The following CDH20 variants were observed in gnomAD, a reference collection of about 807,000 sequenced individuals.
CDH20 encodes the protein cadherin-20.
CDH20 carries 29 observed loss-of-function variants against 74.2 expected under a neutral mutation model. The observed-to-expected ratio is 0.39, with a 90% confidence interval of 0.29 to 0.53. CDH20 has a LOEUF of 0.53. Among genes scored for constraint, CDH20 ranks in the 20% least tolerant of loss-of-function variants. The pLI, the probability that CDH20 is intolerant of heterozygous loss-of-function variation, is 0.69. For synonymous variants in CDH20, 469 were observed against 405.4 expected (o/e 1.16, Z -1.88); for missense variants, 988 against 1,048.3 (o/e 0.94, Z 0.79).
chr18:61,545,127 C>A lies in CDH20; in HGVS notation c.1631C>A (p.Thr544Asn), dbSNP rs769718528. 6.2e-6 allele frequency: 10 copies of A among 1,610,184 alleles called. No individual in the cohort carries two copies. The African/African-American group carries it at 8.0e-5, about 13-fold the overall frequency. The change falls in exon 10 of 12, where the codon ACC becomes AAC. Residue 544 changes from threonine to asparagine, a missense_variant. Physicochemically the swap from Thr to Asn is moderately conservative, Grantham distance 65 (BLOSUM62 0). Transcript: ENST00000262717. The part of the protein sequence containing the change: ...APEAANNPNF[T>N]IRDNQDNTAR... Reference sequence around the variant, plus strand: ...GAGGCTGCTAACAACCCCAACTTTACCATAAGGGACAACCAAGGTAATCAG... The same window carrying A: ...GAGGCTGCTAACAACCCCAACTTTAACATAAGGGACAACCAAGGTAATCAG...
intron 1 of CDH20, among the ~76,000 whole-genome samples, chr18:61,354,208 G>A (rs564883895): frequency 1.3e-5 from 2 of 152,172 alleles, no homozygotes; most frequent in Non-Finnish European, 2.9e-5. Flanking sequence ...CTCTTAGTGA[G>A]TGCTGGTCTC....
Position 61,507,474 on chromosome 18 carries a change from T to A in CDH20, c.931T>A (p.Tyr311Asn). ...LDEGINAEMK[Y>N]TIVDGDGADA... ...TGAAGGCATCAATGCAGAGATGAAATATACTATTGTGGATGGAGATGGTGC... is the reference window on the plus strand; with the variant it reads ...TGAAGGCATCAATGCAGAGATGAAAAATACTATTGTGGATGGAGATGGTGC... The change falls in exon 6 of 12, where the codon TAT (tyrosine) becomes AAT (asparagine). Residue 311 changes from tyrosine to asparagine, a missense_variant. Physicochemically the swap from Tyr to Asn is moderately radical, Grantham distance 143. Around this residue, in one of 2 missense-constraint regions of CDH20, gnomAD observed 613 missense variants for 755.2 expected, o/e 0.81. Coordinates refer to ENST00000262717, the MANE Select transcript of CDH20 (RefSeq NM_031891.4). 6.2e-7 allele frequency: 1 copy of A among 1,613,986 alleles called. No individual in the cohort carries two copies. The highest frequency in any genetic ancestry group is 8.5e-7 in the Non-Finnish European group (1 of 1,179,922).
At chr18:61,467,378 T>C (rs577487164) in intron 1 of CDH20, among the ~76,000 whole-genome samples, 61 of 152,288 alleles carry the variant, frequency 4.0e-4, no homozygotes, top group African/African-American at 1.2e-3. Flanking sequence ...GGGGTTTTTT[T>C]CCCCAAAAGT....
In CDH20 at chr18:61,477,882, A is replaced by G. The variant is rs73451471; in HGVS notation, c.-152-12520A>G. On this transcript the variant is annotated intron_variant, in intron 1 of 11. Coordinates refer to ENST00000262717, the MANE Select transcript of CDH20 (RefSeq NM_031891.4). The stretch of plus-strand genomic sequence containing the variant: ...GTTGAAATGATATTTTATTATTTGT[A>G]TTCTTAAGCTAATTGTGAAAGTAAA... Among the ~76,000 whole-genome samples, 1,092 of 152,226 alleles carry G rather than the reference A, an allele frequency of 7.2e-3. 11 individuals carry two copies. The highest frequency in any genetic ancestry group is 0.025 in the African/African-American group (1,045 of 41,528).
At chr18:61,416,169 TTC>T (rs1912677303) in intron 1 of CDH20, among the ~76,000 whole-genome samples, 1 of 152,224 alleles carries the variant, frequency 6.6e-6, no homozygotes, top group African/African-American at 2.4e-5. Context: ...ATAGTAAATT[TTC>T]TCTTTGTTCT....
At chr18:61,541,875 A>C (rs1309391769) in intron 9 of CDH20, among the ~76,000 whole-genome samples, 1 of 152,174 alleles carries the variant, frequency 6.6e-6, no homozygotes, top group African/African-American at 2.4e-5. Context: ...AGCTGAGCAG[A>C]ATATTGCACG....
intron 1 of CDH20, among the ~76,000 whole-genome samples, chr18:61,381,950 A>G (rs1327412799): frequency 6.6e-6 from 1 of 151,812 alleles, no homozygotes; most frequent in Non-Finnish European, 1.5e-5. Flanking sequence ...GCTGTCCTTG[A>G]CCCTTCTGTC....
Position 61,543,171 on chromosome 18 carries a change from C to T in CDH20, c.1531-1856C>T, listed in dbSNP as rs111256880. On this transcript the variant is annotated intron_variant, in intron 9 of 11. Coordinates refer to ENST00000262717, the MANE Select transcript of CDH20 (RefSeq NM_031891.4). Reference sequence around the variant, plus strand: ...GCCCCGATGGGAGCTCCCCCTACCACCACCCCCAGTTATTTAATCTTCAGC... The same window carrying T: ...GCCCCGATGGGAGCTCCCCCTACCATCACCCCCAGTTATTTAATCTTCAGC... Among the ~76,000 whole-genome samples the T allele has an allele frequency of 4.5e-3, 682 of 152,290 alleles. 4 individuals carry two copies. Among genetic ancestry groups the T allele is most frequent in the African/African-American group, 0.016 (646 of 41,554 alleles).
intron 10 of CDH20, 152 bp from the exon 11 acceptor site, chr18:61,549,826 A>C: frequency 1.3e-6 from 1 of 763,920 alleles, no homozygotes; most frequent in East Asian, 2.6e-5. Context: ...CCAAATGCTG[A>C]TCCAGGCAAA....
intron 1 of CDH20, among the ~76,000 whole-genome samples, chr18:61,488,233 T>C (rs1356696617): frequency 6.6e-6 from 1 of 152,192 alleles, no homozygotes; most frequent in East Asian, 1.9e-4. Context: ...TGTTTGGTTA[T>C]TACAGAATTA....
chr18:61,553,436 C>T (rs759480671), intron 11 of CDH20, among the ~76,000 whole-genome samples: 14 of 152,230 alleles, frequency 9.2e-5, no homozygotes, highest in Admixed American at 3.3e-4. Flanking sequence ...TTATCCAAAC[C>T]TGCAAGGGCA....
At chr18:61,390,271 A>G (rs1911736020) in intron 1 of CDH20, among the ~76,000 whole-genome samples, 1 of 152,222 alleles carries the variant, frequency 6.6e-6, no homozygotes, top group African/African-American at 2.4e-5. Context: ...TTAGTGAAAT[A>G]CATAATATAC....
At chr18:61,455,834 TTC>T (rs947685050) in intron 1 of CDH20, among the ~76,000 whole-genome samples, 4 of 152,242 alleles carry the variant, frequency 2.6e-5, no homozygotes, top group African/African-American at 7.2e-5. Flanking sequence ...AACCTTATAA[TTC>T]TGTCCTAAAT....
At chr18:61,410,277 AC>A (rs1260720673) in intron 1 of CDH20, among the ~76,000 whole-genome samples, 1 of 152,218 alleles carries the variant, frequency 6.6e-6, no homozygotes, top group Admixed American at 6.5e-5. Flanking sequence ...AAACTTAATG[AC>A]AGTATCAAGA....
chr18:61,502,341 T>G (rs1255899352), intron 4 of CDH20, among the ~76,000 whole-genome samples: 1 of 152,072 alleles, frequency 6.6e-6, no homozygotes, highest in Non-Finnish European at 1.5e-5. Flanking sequence ...CAGAGCATCT[T>G]TCATGTCCTA....
intron 1 of CDH20, among the ~76,000 whole-genome samples, chr18:61,484,464 G>A (rs572893656): frequency 3.3e-5 from 5 of 152,172 alleles, no homozygotes; most frequent in African/African-American, 1.2e-4. Context: ...CAGCCTTGGC[G>A]GATACGGAAA....
chr18:61,490,640 G>T lies in CDH20; in HGVS notation c.87G>T (p.Thr29=). 6.2e-7 allele frequency: 1 copy of T among 1,614,002 alleles called. No individual in the cohort carries two copies. Among genetic ancestry groups the T allele is most frequent in the South Asian group, 1.1e-5 (1 of 91,054 alleles). ...ACTTCTGGGGGCTGATGGACCTTACGACCACCGTTCTCTCGGACACCCCAA... is the reference window on the plus strand; with the variant it reads ...ACTTCTGGGGGCTGATGGACCTTACTACCACCGTTCTCTCGGACACCCCAA... ...SLYFWGLMDL[T]TTVLSDTPTP... The change falls in exon 2 of 12, where the codon ACG becomes ACT. Residue 29 remains threonine (T), a synonymous_variant. Coordinates refer to ENST00000262717, the MANE Select transcript of CDH20 (RefSeq NM_031891.4).
At chr18:61,409,666 A>T (rs1479449848) in intron 1 of CDH20, among the ~76,000 whole-genome samples, 1 of 152,236 alleles carries the variant, frequency 6.6e-6, no homozygotes, top group African/African-American at 2.4e-5. Flanking sequence ...GGCAACTGTT[A>T]AACTAAATTA....
At chr18:61,527,458 A>C (rs919394792) in intron 6 of CDH20, among the ~76,000 whole-genome samples, 1 of 151,918 alleles carries the variant, frequency 6.6e-6, no homozygotes, top group African/African-American at 2.4e-5. Context: ...TTTGGAATAC[A>C]AACTTGCTCT....
Sources: gnomAD v4.1 joint callset for allele counts (sites outside exome capture counted in the v4.1 genomes callset) on GRCh38, gnomAD v4.1.1 for gene constraint, gnomAD v4.1.1 regional missense constraint, MANE v1.5 for transcripts, NCBI Gene and HGNC (gene_info 2026-07-23, HGNC 2026-07-21) for gene names.